NUDT19: variants seen among roughly 807,000 people sequenced by gnomAD.
NUDT19 encodes the protein acyl-coenzyme A diphosphatase NUDT19.
NUDT19 carries 31 observed loss-of-function variants against 22.2 expected under a neutral mutation model. That is an observed-to-expected ratio of 1.40 (90% CI 1.05 to 1.89). NUDT19 has a LOEUF of 1.89. Among genes scored for constraint, NUDT19 ranks in the 40% most tolerant of loss-of-function variants. The pLI is 0.00. For synonymous variants in NUDT19, 325 were observed against 230.8 expected, an observed-to-expected ratio of 1.41 and a Z score of -3.70; for missense variants, 752 against 514.2, an observed-to-expected ratio of 1.46 and a Z score of -4.47.
chr19:32,703,011 T>G (rs556151296), intron 1 of NUDT19, among the ~76,000 whole-genome samples: 2 of 152,302 alleles, frequency 1.3e-5, no homozygotes, highest in African/African-American at 4.8e-5. Context: ...CCATCAATTT[T>G]TTTTTTTGAG....
In NUDT19 at chr19:32,691,980, C is replaced by A; in HGVS notation, c.20C>A (p.Pro7Gln). Reference sequence around the variant, plus strand: ...CGCGCCATGAGCAGCTCCCTGCGGCCGGGCCCCAGCCGCTGGCGGCGGGCG... The same window carrying A: ...CGCGCCATGAGCAGCTCCCTGCGGCAGGGCCCCAGCCGCTGGCGGCGGGCG... MSSSLR[P>Q]GPSRWRRAAS... The change falls in exon 1 of 3, where the codon CCG becomes CAG. Residue 7 changes from proline (P) to glutamine (Q), a missense_variant. Transcript: ENST00000397061. 1 of 1,232,794 alleles carries A rather than the reference C, an allele frequency of 8.1e-7. No individual in the cohort carries two copies. The highest frequency in any genetic ancestry group is 1.0e-6 in the Non-Finnish European group (1 of 990,042). The allele number at this position is 1,232,794 out of a possible 1,614,324, so 76.4% of individuals were successfully genotyped here. A position where few individuals can be genotyped will look rare whatever the true frequency, so the allele number is the denominator to read the frequency against.
At chr19:32,693,572 C>A (rs1472054843) in intron 1 of NUDT19, among the ~76,000 whole-genome samples, 1 of 152,182 alleles carries the variant, frequency 6.6e-6, no homozygotes, top group Non-Finnish European at 1.5e-5. Flanking sequence ...CTTATTTGGC[C>A]CTGCCCATGT....
rs35989274 is a variant in NUDT19 at position 32,709,402 on chromosome 19, T to A, written c.922+10T>A. On this transcript the variant is annotated intron_variant, in intron 2 of 2. Coordinates refer to ENST00000397061, the MANE Select transcript of NUDT19 (RefSeq NM_001105570.2). ...GTCCATCTTTTACCAGGTAAACCAG[T>A]GAAGCATCGGTGCTTTTGTTAGTAT... is the stretch of plus-strand genomic sequence containing the variant. 5 of 1,611,354 alleles carry A rather than the reference T, an allele frequency of 3.1e-6. No individual in the cohort carries two copies. The African/African-American group carries it at 6.7e-5, about 22-fold the overall frequency.
In NUDT19 at chr19:32,692,614, G is replaced by A; in HGVS notation, c.654G>A (p.Leu218=). 1.3e-6 allele frequency: 2 copies of A among 1,549,032 alleles called. No homozygotes were observed. The highest frequency in any genetic ancestry group is 1.7e-6 in the Non-Finnish European group (2 of 1,153,624). The change falls in exon 1 of 3, where the codon CTG becomes CTA. Residue 218 remains leucine (L), a synonymous_variant. Transcript: ENST00000397061. ...TTRRFDTAFF[L]CCLREPPPVY... ...GCCGCTTTGACACGGCCTTCTTCCTGTGCTGCCTGCGCGAGCCGCCGCCCG... is the reference window on the plus strand; with the variant it reads ...GCCGCTTTGACACGGCCTTCTTCCTATGCTGCCTGCGCGAGCCGCCGCCCG...
rs1258992777 is a variant in NUDT19 at position 32,692,577 on chromosome 19, G to C, written c.617G>C (p.Arg206Pro). 3 of 1,592,810 alleles carry C rather than the reference G, an allele frequency of 1.9e-6. No homozygotes were observed. The highest frequency in any genetic ancestry group is 1.4e-5 in the African/African-American group (1 of 72,536). Residue 206 changes from arginine to proline, a missense_variant, in exon 1 of 3, where the codon CGG (arginine) becomes CCG (proline). Transcript: ENST00000397061. ...NWSAWLTPFL[R>P]GTTRRFDTAF... ...AGCGCCTGGCTCACCCCTTTCTTGC[G>C]GGGCACCACTCGCCGCTTTGACACG... is the stretch of plus-strand genomic sequence containing the variant.
intron 1 of NUDT19, among the ~76,000 whole-genome samples, chr19:32,698,457 CT>C (rs1320073437): frequency 2.5e-4 from 38 of 149,866 alleles, no homozygotes; most frequent in Admixed American, 4.7e-4. Context: ...GCCCAAGAAC[CT>C]GCAACGGTCC....
intron 1 of NUDT19, among the ~76,000 whole-genome samples, chr19:32,695,289 C>G (rs1050599298): frequency 1.3e-5 from 2 of 152,158 alleles, no homozygotes; most frequent in African/African-American, 4.8e-5. Context: ...AAGCAATTCT[C>G]CTGCCTCAGC....
At chr19:32,708,876 C>T (rs1336369373) in intron 1 of NUDT19, among the ~76,000 whole-genome samples, 1 of 152,130 alleles carries the variant, frequency 6.6e-6, no homozygotes, top group Non-Finnish European at 1.5e-5. Context: ...CAGCAGGGAC[C>T]GGAACCACCT....
rs1356476645 is a variant in NUDT19 at position 32,692,645 on chromosome 19, C to A, written c.685C>A (p.Pro229Thr). 3 of 1,522,578 alleles carry A rather than the reference C, an allele frequency of 2.0e-6. No homozygotes were observed. The East Asian group carries it at 7.1e-5, about 36-fold the overall frequency. The allele number at this position is 1,522,578 out of a possible 1,614,324, so 94.3% of individuals were successfully genotyped here. A position where few individuals can be genotyped will look rare whatever the true frequency, so the allele number is the denominator to read the frequency against. Reference protein sequence around the residue: ...CCLREPPPVYPDLAEVVGYQW... With the variant: ...CCLREPPPVYTDLAEVVGYQW... ...CCTGCGCGAGCCGCCGCCCGTCTACCCCGACTTGGCGGAGGTGGTGGGCTA... is the reference window on the plus strand; with the variant it reads ...CCTGCGCGAGCCGCCGCCCGTCTACACCGACTTGGCGGAGGTGGTGGGCTA... The change falls in exon 1 of 3, where the codon CCC becomes ACC. Residue 229 changes from proline to threonine, a missense_variant. Coordinates refer to ENST00000397061, the MANE Select transcript of NUDT19 (RefSeq NM_001105570.2).
chr19:32,711,939 A>G lies in NUDT19; in HGVS notation c.1110A>G (p.Val370=), dbSNP rs551440218. The G allele has an allele frequency of 3.1e-6, 5 of 1,613,312 alleles. No individual in the cohort carries two copies. The African/African-American group carries it at 4.0e-5, about 13-fold the overall frequency. The change falls in exon 3 of 3, where the codon GTA becomes GTG. Residue 370 remains valine, a synonymous_variant. Coordinates refer to ENST00000397061, the MANE Select transcript of NUDT19 (RefSeq NM_001105570.2). ...YKHVYPKNSV[V]RKSHL ...ACGTTTATCCTAAGAACTCTGTAGT[A>G]AGAAAAAGCCATTTGTAGGGTGCTT...
At chr19:32,699,226 C>A (rs926601016) in intron 1 of NUDT19, among the ~76,000 whole-genome samples, 6 of 152,076 alleles carry the variant, frequency 3.9e-5, no homozygotes, top group Non-Finnish European at 7.4e-5. Flanking sequence ...TAGAAAAGCA[C>A]CAGAGATGGA....
chr19:32,707,977 C>CA (rs76660223), intron 1 of NUDT19, among the ~76,000 whole-genome samples: 1,734 of 127,140 alleles, frequency 0.014, 36 homozygotes, highest in African/African-American at 0.042. Flanking sequence ...GACTCCGTTT[C>CA]AAAAAAAAAA....
At position 32,692,067 on chromosome 19, in the gene NUDT19, C is replaced by T; in HGVS notation, c.107C>T (p.Pro36Leu). The T allele has an allele frequency of 7.7e-7, 1 of 1,296,850 alleles. No homozygotes were observed. Among genetic ancestry groups the T allele is most frequent in the Non-Finnish European group, 9.7e-7 (1 of 1,026,954 alleles). 80.3% of individuals were successfully genotyped at this position (1,296,850 alleles called of 1,614,324 possible). Residue 36 changes from proline (P) to leucine (L), a missense_variant, in exon 1 of 3, where the codon CCG becomes CTG. Physicochemically the swap from Pro to Leu is moderately conservative, Grantham distance 98. Transcript: ENST00000397061. ...GAGACCGCCACCCCGCCGTCGCGCCCGCCGCCGGCCGAGGGCTTCCGGCTG... is the reference window on the plus strand; with the variant it reads ...GAGACCGCCACCCCGCCGTCGCGCCTGCCGCCGGCCGAGGGCTTCCGGCTG... ...RPETATPPSR[P>L]PPAEGFRLLL... is the part of the protein sequence containing the mutation.
chr19:32,695,628 G>A (rs1036431341), intron 1 of NUDT19, among the ~76,000 whole-genome samples: 1 of 151,928 alleles, frequency 6.6e-6, no homozygotes, highest in Non-Finnish European at 1.5e-5. Flanking sequence ...TCTGCCAGCC[G>A]CTTATGCTGC....
In NUDT19 at chr19:32,692,236, C is replaced by T. The variant is rs1251950751; in HGVS notation, c.276C>T (p.Gly92=). 2 of 1,590,044 alleles carry T rather than the reference C, an allele frequency of 1.3e-6. No individual in the cohort carries two copies. Among genetic ancestry groups the T allele is most frequent in the African/African-American group, 1.4e-5 (1 of 73,286 alleles). ...PHHGPPRFGL[G]PAPFSRTAFP... is the part of the protein sequence containing the mutation. ...ACGGGCCGCCGCGCTTCGGCCTGGG[C>T]CCGGCGCCATTCAGCCGCACCGCTT... The change falls in exon 1 of 3, where the codon GGC becomes GGT. Residue 92 remains glycine (G), a synonymous_variant. Transcript: ENST00000397061.
intron 1 of NUDT19, among the ~76,000 whole-genome samples, chr19:32,707,007 TGG>T (rs1968393602): frequency 6.6e-6 from 1 of 152,184 alleles, no homozygotes; most frequent in Non-Finnish European, 1.5e-5. Context: ...ACCCTGGCCA[TGG>T]TAGGACTCAC....
intron 1 of NUDT19, among the ~76,000 whole-genome samples, chr19:32,707,577 G>T (rs1968399489): frequency 6.6e-6 from 1 of 152,176 alleles, no homozygotes; most frequent in African/African-American, 2.4e-5. Flanking sequence ...AGGCGCGGTG[G>T]CTCACACCTG....
intron 1 of NUDT19, among the ~76,000 whole-genome samples, chr19:32,708,442 G>A (rs200353661): frequency 3.3e-5 from 5 of 150,176 alleles, no homozygotes; most frequent in Non-Finnish European, 5.9e-5. Context: ...AAAAAAAAAA[G>A]AACAACCTTT....
intron 1 of NUDT19, among the ~76,000 whole-genome samples, chr19:32,704,195 A>T (rs1487510649): frequency 6.6e-6 from 1 of 152,148 alleles, no homozygotes; most frequent in Admixed American, 6.6e-5. Flanking sequence ...TGTACCTAAA[A>T]ATATTGCTCC....
Sources: gnomAD v4.1 joint callset for allele counts (sites outside exome capture counted in the v4.1 genomes callset) on GRCh38, gnomAD v4.1.1 for gene constraint, MANE v1.5 for transcripts, NCBI Gene and HGNC (gene_info 2026-07-23, HGNC 2026-07-21) for gene names.